Variants in FOXP2 observed in about 807,000 individuals in gnomAD.
FOXP2 encodes the protein forkhead box protein P2.
FOXP2 carries 12 observed loss-of-function variants against 115.8 expected under a neutral mutation model. The observed-to-expected ratio is 0.10, with a 90% confidence interval of 0.07 to 0.17. FOXP2 has a LOEUF of 0.17. FOXP2 is among the 10% of genes least tolerant of loss of function. The pLI is 1.00. For synonymous variants in FOXP2, 328 were observed against 297.7 expected (o/e 1.10, Z -1.05); for missense variants, 629 against 843.5 (o/e 0.75, Z 3.15).
At chr7:114,580,951 G>A (rs1002284985) in intron 3 of FOXP2, among the ~76,000 whole-genome samples, 2 of 151,868 alleles carry the variant, frequency 1.3e-5, no homozygotes, top group Admixed American at 6.6e-5. Context: ...ATAGCACAGA[G>A]AAGTTGCAAC....
intron 2 of FOXP2, among the ~76,000 whole-genome samples, chr7:114,493,705 C>T (rs1424477660): frequency 2.0e-5 from 3 of 152,062 alleles, no homozygotes; most frequent in African/African-American, 7.2e-5. Context: ...TACACACACA[C>T]TCTTACACAC....
intron 1 of FOXP2, among the ~76,000 whole-genome samples, chr7:114,130,004 G>A (rs956674942): frequency 2.0e-5 from 3 of 152,012 alleles, no homozygotes; most frequent in Non-Finnish European, 4.4e-5. Context: ...GGAAAAACAG[G>A]CACATTGTTT....
intron 2 of FOXP2, among the ~76,000 whole-genome samples, chr7:114,316,463 A>G (rs1054079223): frequency 6.6e-6 from 1 of 152,198 alleles, no homozygotes; most frequent in Non-Finnish European, 1.5e-5. Flanking sequence ...CATTGATGAT[A>G]CAGTATATTT....
intron 3 of FOXP2, among the ~76,000 whole-genome samples, chr7:114,595,116 T>G (rs1461148066): frequency 6.6e-6 from 1 of 152,042 alleles, no homozygotes; most frequent in Non-Finnish European, 1.5e-5. Context: ...ACCCTTATGA[T>G]TTATCAAATT....
intron 2 of FOXP2, among the ~76,000 whole-genome samples, chr7:114,470,361 A>G (rs1241473048): frequency 6.6e-6 from 1 of 152,202 alleles, no homozygotes; most frequent in African/African-American, 2.4e-5. Flanking sequence ...TAACTAAAAC[A>G]TCCCTTCTTT....
intron 2 of FOXP2, among the ~76,000 whole-genome samples, chr7:114,488,871 G>C (rs571677895): frequency 6.1e-4 from 93 of 152,100 alleles, no homozygotes; most frequent in African/African-American, 2.2e-3. Context: ...TGGGAGGCTC[G>C]ACATATTTCC....
intron 1 of FOXP2, among the ~76,000 whole-genome samples, chr7:114,117,361 A>G (rs887814977): frequency 6.6e-6 from 1 of 151,766 alleles, no homozygotes; most frequent in African/African-American, 2.4e-5. Context: ...AGCTGGGATT[A>G]CAGATGTGCA....
chr7:114,606,285 C>T (rs1309806173), intron 3 of FOXP2, among the ~76,000 whole-genome samples: 3 of 152,142 alleles, frequency 2.0e-5, no homozygotes, highest in Non-Finnish European at 4.4e-5. Flanking sequence ...ATGTCTATAA[C>T]TGGCAGTTTT....
In FOXP2 at chr7:114,462,720, T is replaced by G. The variant is rs143816617; in HGVS notation, c.168+36041T>G. 4.6e-3 allele frequency among the ~76,000 whole-genome samples: 702 copies of G among 152,298 alleles called. 3 individuals are homozygous for G. Among genetic ancestry groups the G allele is most frequent in the Non-Finnish European group, 6.6e-3 (452 of 68,028 alleles). ...CATAGTCTTTGAGCTGATATTTTCC[T>G]TTTGAGTTGAAATCAGACATATGCA... On this transcript the variant is annotated intron_variant, in intron 2 of 16. Transcript: ENST00000350908.
intron 1 of FOXP2, among the ~76,000 whole-genome samples, chr7:114,247,693 TC>T (rs767146798): frequency 1.3e-5 from 2 of 152,200 alleles, no homozygotes; most frequent in Non-Finnish European, 2.9e-5. Flanking sequence ...ATGTTTATAG[TC>T]CACTTCTGGG....
chr7:114,466,715 T>C (rs575586297), intron 2 of FOXP2, among the ~76,000 whole-genome samples: 1 of 152,336 alleles, frequency 6.6e-6, no homozygotes, highest in East Asian at 1.9e-4. Context: ...CTTTTATTGC[T>C]TTCCATATTT....
At chr7:114,559,033 A>AT (rs138150674) in intron 3 of FOXP2, among the ~76,000 whole-genome samples, 185 of 151,624 alleles carry the variant, frequency 1.2e-3, no homozygotes, top group African/African-American at 4.3e-3. Flanking sequence ...CCAGCTACCT[A>AT]TTTTTTTTCA....
At chr7:114,187,572 A>T (rs923494885) in intron 1 of FOXP2, among the ~76,000 whole-genome samples, 1 of 152,220 alleles carries the variant, frequency 6.6e-6, no homozygotes, top group Non-Finnish European at 1.5e-5. Context: ...CTGACAAAAG[A>T]ATTGCCCTTA....
intron 1 of FOXP2, among the ~76,000 whole-genome samples, chr7:114,231,341 A>G (rs1293853335): frequency 6.6e-6 from 1 of 152,170 alleles, no homozygotes; most frequent in Non-Finnish European, 1.5e-5. Context: ...TAAAATCCCA[A>G]TGCATTTGTT....
intron 2 of FOXP2, among the ~76,000 whole-genome samples, chr7:114,496,933 A>G (rs555258066): frequency 1.3e-5 from 2 of 152,280 alleles, no homozygotes; most frequent in South Asian, 4.1e-4. Context: ...ATATTTGTTA[A>G]TTTGCTGTAC....
Position 114,692,392 on chromosome 7 carries a change from A to G in FOXP2, c.*2466A>G. 2.2e-6 allele frequency: 1 copy of G among 451,924 alleles called. No individual in the cohort carries two copies. The highest frequency in any genetic ancestry group is 1.6e-5 in the South Asian group (1 of 63,752). 28.0% of individuals were successfully genotyped at this position (451,924 alleles called of 1,614,324 possible). ...TGCACATTATACCAGAAAAACCTCC[A>G]AAACTGCAATTGCTTTGAAAATAGA... On this transcript the variant is annotated 3_prime_UTR_variant, in exon 17 of 17. Transcript: ENST00000350908.
chr7:114,622,829 G>A (rs985257466), intron 3 of FOXP2, among the ~76,000 whole-genome samples: 4 of 151,876 alleles, frequency 2.6e-5, no homozygotes, highest in Non-Finnish European at 2.9e-5. Context: ...ATTTATGAAT[G>A]TAGACAAATA....
chr7:114,459,421 A>T (rs1795463136), intron 2 of FOXP2, among the ~76,000 whole-genome samples: 1 of 152,258 alleles, frequency 6.6e-6, no homozygotes. Context: ...TGGGCAAATC[A>T]TTGTGGAGTC....
chr7:114,329,748 C>T (rs1339585296), intron 2 of FOXP2, among the ~76,000 whole-genome samples: 1 of 151,930 alleles, frequency 6.6e-6, no homozygotes, highest in African/African-American at 2.4e-5. Context: ...GCGAAACCAG[C>T]TCACTGCAAC....
Sources: gnomAD v4.1 joint callset for allele counts (sites outside exome capture counted in the v4.1 genomes callset) on GRCh38, gnomAD v4.1.1 for gene constraint, MANE v1.5 for transcripts, NCBI Gene and HGNC (gene_info 2026-07-23, HGNC 2026-07-21) for gene names.